MED13L: variants seen among roughly 807,000 people sequenced by gnomAD.
MED13L encodes mediator of RNA polymerase II transcription subunit 13-like.
In MED13L, 7 loss-of-function variants were observed where a neutral mutation model predicts 220.9. The observed-to-expected ratio is 0.03, with a 90% CI of 0.02 to 0.06. The LOEUF (loss-of-function observed/expected upper bound fraction) is 0.06. Ranked by LOEUF, MED13L falls within the 10% of genes least tolerant of loss-of-function variation. The probability of loss-of-function intolerance (pLI) is 1.00; values close to 1 mark genes in which losing one functional copy is unlikely to be tolerated. For missense variants in MED13L, 1,965 were observed against 2,760.5 expected, an observed-to-expected ratio of 0.71 and a Z score of 6.46; for synonymous variants, 1,011 against 1,015.2, an observed-to-expected ratio of 1.00 and a Z score of 0.08.
At chr12:116,130,434 A>T (rs958161731) in intron 2 of MED13L, among the ~76,000 whole-genome samples, 1 of 152,232 alleles carries the variant, frequency 6.6e-6, no homozygotes, top group East Asian at 1.9e-4. Context: ...CATCTCTGAC[A>T]ACATGTCTAG....
intron 25 of MED13L, among the ~76,000 whole-genome samples, chr12:115,973,958 CT>C (rs1314001499): frequency 5.3e-5 from 8 of 152,004 alleles, no homozygotes; most frequent in African/African-American, 1.9e-4. Context: ...GCGAGGTACA[CT>C]TAGGCATTCC....
In MED13L at chr12:116,176,361, C is replaced by G. The variant is rs538996683; in HGVS notation, c.310+61107G>C. ...ACATGTAAAGTACATATAACAGTGT[C>G]TGACTTACACTAAGGCTCAATAAAT... On this transcript the variant is annotated intron_variant, in intron 2 of 30. Transcript: ENST00000281928. 8.5e-5 allele frequency among the ~76,000 whole-genome samples: 13 copies of G among 152,234 alleles called. 1 individual carries two copies. In the South Asian group the frequency reaches 1.5e-3, roughly 17 times the overall value.
chr12:116,151,674 T>G (rs142508844), intron 2 of MED13L, among the ~76,000 whole-genome samples: 118 of 152,196 alleles, frequency 7.8e-4, no homozygotes, highest in South Asian at 1.9e-3. Context: ...TGTGCAAAAA[T>G]AAAATGATGC....
At chr12:116,090,259 A>G (rs553210440) in intron 4 of MED13L, among the ~76,000 whole-genome samples, 1 of 152,328 alleles carries the variant, frequency 6.6e-6, no homozygotes, top group Non-Finnish European at 1.5e-5. Flanking sequence ...TCACCTCTGT[A>G]ATAAAAAACT....
chr12:116,258,392 C>T (rs1208875197), intron 1 of MED13L, among the ~76,000 whole-genome samples: 1 of 151,980 alleles, frequency 6.6e-6, no homozygotes, highest in African/African-American at 2.4e-5. Context: ...GCACTCTTTA[C>T]AAACAGCAAA....
intron 1 of MED13L, among the ~76,000 whole-genome samples, chr12:116,271,888 A>C (rs1593232508): frequency 6.6e-6 from 1 of 152,216 alleles, no homozygotes; most frequent in South Asian, 2.1e-4. Flanking sequence ...TAAATGTATC[A>C]TTCACTTTCA....
intron 13 of MED13L, among the ~76,000 whole-genome samples, 177 bp from the exon 14 acceptor site, chr12:116,003,279 T>TCTTA (rs1257808723): frequency 5.9e-5 from 9 of 152,184 alleles, no homozygotes; most frequent in African/African-American, 2.2e-4. Flanking sequence ...GCTTATCAAG[T>TCTTA]GTAAGAAACA....
At chr12:116,035,762 T>C (rs561920529) in intron 4 of MED13L, among the ~76,000 whole-genome samples, 2 of 152,106 alleles carry the variant, frequency 1.3e-5, no homozygotes, top group East Asian at 3.9e-4. Flanking sequence ...AGCTAATTTT[T>C]ACATTTTTGG....
At chr12:115,966,633 C>T (rs1007767466) in intron 28 of MED13L, among the ~76,000 whole-genome samples, 2 of 152,172 alleles carry the variant, frequency 1.3e-5, no homozygotes, top group African/African-American at 4.8e-5. Context: ...GCGCACCAGC[C>T]TGACCAGGAC....
At chr12:116,272,236 G>A (rs1226052909) in intron 1 of MED13L, among the ~76,000 whole-genome samples, 2 of 152,124 alleles carry the variant, frequency 1.3e-5, no homozygotes, top group Admixed American at 1.3e-4. Flanking sequence ...AAACTGGTGA[G>A]AGAGATCTCT....
intron 2 of MED13L, among the ~76,000 whole-genome samples, chr12:116,154,195 T>C (rs1299109239): frequency 6.6e-6 from 1 of 152,140 alleles, no homozygotes. Flanking sequence ...GAAAATGAAA[T>C]GTGGTGGTTT....
intron 4 of MED13L, among the ~76,000 whole-genome samples, chr12:116,048,734 T>C (rs1267747324): frequency 6.6e-6 from 1 of 152,192 alleles, no homozygotes; most frequent in East Asian, 1.9e-4. Flanking sequence ...ATCAATATTT[T>C]ACTTGCTACT....
At chr12:116,257,545 A>G (rs1206888945) in intron 1 of MED13L, among the ~76,000 whole-genome samples, 1 of 152,218 alleles carries the variant, frequency 6.6e-6, no homozygotes, top group Non-Finnish European at 1.5e-5. Flanking sequence ...AACTAAGAAC[A>G]GTGTAGTAAC....
chr12:116,145,659 C>A (rs1593097388), intron 2 of MED13L, among the ~76,000 whole-genome samples: 1 of 123,560 alleles, frequency 8.1e-6, no homozygotes, highest in South Asian at 3.0e-4. Flanking sequence ...ACACTCAACT[C>A]TATTTATTTA....
rs373122646 is a variant in MED13L at position 116,156,115 on chromosome 12, T to C, written c.311-44603A>G. Among the ~76,000 whole-genome samples the C allele has an allele frequency of 1.2e-4, 19 of 152,222 alleles. No individual in the cohort carries two copies. The East Asian group carries it at 2.7e-3, about 22-fold the overall frequency. On this transcript the variant is annotated intron_variant, in intron 2 of 30. Coordinates refer to ENST00000281928, the MANE Select transcript of MED13L (RefSeq NM_015335.5). ...ATGCTATTATCGTAAATAACTATCA[T>C]TTTTATTTCTACAAAAACATGAAAT...
rs1242269728 is a variant in MED13L, at chr12:116,277,552, A to G, written c.-421T>C. Among the ~76,000 whole-genome samples, 1 of 147,354 alleles carries G rather than the reference A, an allele frequency of 6.8e-6. No homozygotes were observed. The highest frequency in any genetic ancestry group is 2.0e-4 in the East Asian group (1 of 4,890). On this transcript the variant is annotated 5_prime_UTR_variant, in exon 1 of 31. Coordinates refer to ENST00000281928, the MANE Select transcript of MED13L (RefSeq NM_015335.5). ...GCCGCCGCGGAGCGCGAACTCGCGA[A>G]GGGGGGGGTGCGGACGAAGCCAGCG...
At chr12:116,014,735 G>T (rs1378779228) in intron 8 of MED13L, among the ~76,000 whole-genome samples, 7 of 152,076 alleles carry the variant, frequency 4.6e-5, no homozygotes, top group South Asian at 2.1e-4. Context: ...AGCAAGGAAG[G>T]TTCTTTCCCT....
chr12:116,176,876 CAAAAAAAA>C (rs11285058), intron 2 of MED13L, among the ~76,000 whole-genome samples: 1 of 74,232 alleles, frequency 1.3e-5, no homozygotes, highest in East Asian at 4.0e-4. Context: ...AGAACTCAGC[CAAAAAAAA>C]AAAAAAAAAA....
At chr12:115,967,572 C>T (rs1225844035) in intron 28 of MED13L, among the ~76,000 whole-genome samples, 1 of 152,198 alleles carries the variant, frequency 6.6e-6, no homozygotes, top group Non-Finnish European at 1.5e-5. Context: ...TTTGTTAATG[C>T]ATAAACTGAA....
Sources: allele counts gnomAD v4.1 joint callset (sites outside exome capture counted in the v4.1 genomes callset), GRCh38; gene constraint gnomAD v4.1.1; transcripts MANE v1.5; gene names NCBI Gene and HGNC (gene_info 2026-07-23, HGNC 2026-07-21).